Variants in RTN1 observed in about 807,000 individuals in gnomAD.
RTN1 encodes reticulon 1, also known as reticulon-1.
Under a neutral mutation model 65.5 loss-of-function variants are expected in RTN1, and 25 were observed. That is an observed-to-expected ratio of 0.38 (90% confidence interval 0.28 to 0.53). The LOEUF is 0.53. Among genes scored for constraint, RTN1 ranks in the 20% least tolerant of loss-of-function variants. The pLI, the probability that RTN1 is intolerant of heterozygous loss-of-function variation, is 0.79. For missense variants in RTN1, 983 were observed against 1,025.4 expected (o/e 0.96, Z 0.57); for synonymous variants, 471 against 447.6 (o/e 1.05, Z -0.66).
intron 3 of RTN1, among the ~76,000 whole-genome samples, chr14:59,672,479 A>T (rs1883526789): frequency 6.6e-6 from 1 of 152,182 alleles, no homozygotes; most frequent in East Asian, 1.9e-4. Flanking sequence ...CATAAAGGAC[A>T]CATCATATGG....
At chr14:59,743,381 T>C (rs1885152198) in intron 2 of RTN1, among the ~76,000 whole-genome samples, 1 of 152,172 alleles carries the variant, frequency 6.6e-6, no homozygotes, top group African/African-American at 2.4e-5. Context: ...CTGGCTGAAG[T>C]TCTTGTGGAC....
rs1051315251 is a variant in RTN1, at chr14:59,653,368, T to C, written c.1766-45876A>G. On this transcript the variant is annotated intron_variant, in intron 3 of 8. Coordinates refer to ENST00000267484, the MANE Select transcript of RTN1 (RefSeq NM_021136.3). ...TCCCCAGATAAACAAAGATAATTCA[T>C]TGCTAGCAGACTCACTTTCGAAAAA... 2.2e-5 allele frequency among the ~76,000 whole-genome samples: 3 copies of C among 138,392 alleles called. No individual in the cohort carries two copies. The Admixed American group carries it at 2.3e-4, about 11-fold the overall frequency. The allele number at this position is 138,392 out of a possible 152,430, so 90.8% of individuals were successfully genotyped here. A position where few individuals can be genotyped will look rare whatever the true frequency, so the allele number is the denominator to read the frequency against.
chr14:59,639,684 T>C (rs901780610), intron 3 of RTN1, among the ~76,000 whole-genome samples: 7 of 152,246 alleles, frequency 4.6e-5, no homozygotes, highest in African/African-American at 1.4e-4. Flanking sequence ...AGCTGTCCTT[T>C]ATCAGATTAA....
At chr14:59,646,520 G>C (rs1882900219) in intron 3 of RTN1, among the ~76,000 whole-genome samples, 1 of 152,080 alleles carries the variant, frequency 6.6e-6, no homozygotes, top group African/African-American at 2.4e-5. Flanking sequence ...AGACTTTCCA[G>C]GGTCAAAATG....
intron 3 of RTN1, among the ~76,000 whole-genome samples, chr14:59,725,331 G>T (rs1197271228): frequency 6.6e-6 from 1 of 152,212 alleles, no homozygotes; most frequent in Non-Finnish European, 1.5e-5. Context: ...AGGAACATTA[G>T]TTAGGGGATA....
Position 59,727,628 on chromosome 14 carries a change from G to A in RTN1, c.1056C>T (p.Ser352=), listed in dbSNP as rs200163788. 186 of 1,610,654 alleles carry A rather than the reference G, an allele frequency of 1.2e-4. 1 individual carries two copies. The Admixed American group carries it at 3.0e-3, about 26-fold the overall frequency. Reference sequence around the variant, plus strand: ...TGATGGCGGTGATCAGCTCATCCTCGGAGATGCTGCCTTTCCCCTGGGATT... The same window carrying A: ...TGATGGCGGTGATCAGCTCATCCTCAGAGATGCTGCCTTTCCCCTGGGATT... ...AAESQGKGSI[S]EDELITAIKE... Residue 352 remains serine, a synonymous_variant, in exon 3 of 9, where the codon TCC becomes TCT. Coordinates refer to ENST00000267484, the MANE Select transcript of RTN1 (RefSeq NM_021136.3). The surrounding 1 kb of genome is among the most constrained non-coding windows in gnomAD (Gnocchi z 4.2).
chr14:59,788,871 C>T (rs1389731687), intron 1 of RTN1, among the ~76,000 whole-genome samples: 3 of 152,036 alleles, frequency 2.0e-5, no homozygotes, highest in African/African-American at 7.2e-5. Context: ...AATAAGGATG[C>T]ATTGATTTCA....
At chr14:59,733,036 C>A (rs1018570571) in intron 2 of RTN1, among the ~76,000 whole-genome samples, 7 of 151,288 alleles carry the variant, frequency 4.6e-5, no homozygotes, top group African/African-American at 9.7e-5. Context: ...AGGGTCCCCC[C>A]AGTAGCACAA....
In RTN1 at chr14:59,829,149, G is replaced by C. The variant is rs899349179; in HGVS notation, c.241+41241C>G. ...AAAGGCAACTACACAGCAATACACC[G>C]TTCATTAATTAACATTTTAAAGTGC... is the stretch of plus-strand genomic sequence containing the variant. On this transcript the variant is annotated intron_variant, in intron 1 of 8. Coordinates refer to ENST00000267484, the MANE Select transcript of RTN1 (RefSeq NM_021136.3). The surrounding 1 kb of genome is among the most constrained non-coding windows in gnomAD (Gnocchi z 4.3). 1.3e-5 allele frequency among the ~76,000 whole-genome samples: 2 copies of C among 152,106 alleles called. No homozygotes were observed. The highest frequency in any genetic ancestry group is 4.8e-5 in the African/African-American group (2 of 41,398).
At chr14:59,711,077 G>A (rs977517203) in intron 3 of RTN1, among the ~76,000 whole-genome samples, 16 of 152,066 alleles carry the variant, frequency 1.1e-4, no homozygotes, top group Non-Finnish European at 4.4e-5. Flanking sequence ...ACATAATACT[G>A]CCTGTCTCTA....
At chr14:59,853,778 C>T (rs1594768067) in intron 1 of RTN1, among the ~76,000 whole-genome samples, 1 of 152,174 alleles carries the variant, frequency 6.6e-6, no homozygotes. Flanking sequence ...TGCAGTTCCA[C>T]CATGCATGGC....
chr14:59,788,774 T>C (rs1886296702), intron 1 of RTN1, among the ~76,000 whole-genome samples: 1 of 152,208 alleles, frequency 6.6e-6, no homozygotes, highest in African/African-American at 2.4e-5. Flanking sequence ...CATACCTTGA[T>C]AGGTTATCAT....
chr14:59,607,921 AGAGAGCCCCTG>A (rs894835580), intron 3 of RTN1, among the ~76,000 whole-genome samples: 18 of 150,834 alleles, frequency 1.2e-4, no homozygotes, highest in Admixed American at 2.0e-4. Context: ...AAAAAGAGAG[AGAGAGCCCCTG>A]GAGCTGACAT....
chr14:59,830,668 A>T (rs527324884), intron 1 of RTN1, among the ~76,000 whole-genome samples: 4 of 152,216 alleles, frequency 2.6e-5, no homozygotes, highest in Admixed American at 6.5e-5. Context: ...TTGCGCTTGA[A>T]TAACAGCTCT....
At position 59,607,364 on chromosome 14, in the gene RTN1, G is replaced by A; in HGVS notation, c.1894C>T (p.Leu632Phe). ...ATGCGGAAACTGATGGTGGCTGAGA[G>A]TGCGGCCAGGGCCAGGTAGGCCACG... ...SVVAYLALAA[L>F]SATISFRIYK... is the part of the protein sequence containing the mutation. Residue 632 changes from leucine (L) to phenylalanine (F), a missense_variant, in exon 4 of 9, where the codon CTC becomes TTC. This residue lies in a region of RTN1 where 165 missense variants were observed against 223.6 expected (regional missense o/e 0.74). Coordinates refer to ENST00000267484, the MANE Select transcript of RTN1 (RefSeq NM_021136.3). The A allele has an allele frequency of 6.2e-7, 1 of 1,613,856 alleles. No individual in the cohort carries two copies. Among genetic ancestry groups the A allele is most frequent in the Non-Finnish European group, 8.5e-7 (1 of 1,179,968 alleles).
intron 3 of RTN1, among the ~76,000 whole-genome samples, chr14:59,647,287 C>A (rs1490682332): frequency 3.9e-5 from 6 of 152,182 alleles, no homozygotes; most frequent in African/African-American, 1.4e-4. Flanking sequence ...CAGGGACACC[C>A]AGATTCACAA....
rs1884795800 is a variant in RTN1, at chr14:59,727,381, C to T, written c.1303G>A (p.Gly435Ser). 11 of 1,534,890 alleles carry T rather than the reference C, an allele frequency of 7.2e-6. No individual in the cohort carries two copies. Among genetic ancestry groups the T allele is most frequent in the Non-Finnish European group, 9.6e-6 (11 of 1,139,940 alleles). Residue 435 changes from glycine (G) to serine (S), a missense_variant, in exon 3 of 9, where the codon GGC (glycine) becomes AGC (serine). Around this residue, in one of 2 missense-constraint regions of RTN1, gnomAD observed 818 missense variants for 801.8 expected, o/e 1.02. Transcript: ENST00000267484. This position sits in a 1 kb window ranked among gnomAD's most constrained non-coding sequence, Gnocchi z 4.2. ...GAGGGCGGCGGGCCGCCCACGTGGCCAAAGCTCACATAGCCTGAGGGCAGC... is the reference window on the plus strand; with the variant it reads ...GAGGGCGGCGGGCCGCCCACGTGGCTAAAGCTCACATAGCCTGAGGGCAGC... ...DALPSGYVSF[G>S]HVGGPPPSPA...
At chr14:59,784,857 A>G (rs1886224594) in intron 1 of RTN1, among the ~76,000 whole-genome samples, 1 of 152,188 alleles carries the variant, frequency 6.6e-6, no homozygotes, top group African/African-American at 2.4e-5. Flanking sequence ...TATTATAGGG[A>G]AGACAGGATG....
intron 1 of RTN1, among the ~76,000 whole-genome samples, chr14:59,826,455 C>T (rs1887032654): frequency 6.6e-6 from 1 of 152,146 alleles, no homozygotes; most frequent in South Asian, 2.1e-4. Flanking sequence ...ATGTCACCTC[C>T]ATATTCAGAC....
Sources: allele counts gnomAD v4.1 joint callset (sites outside exome capture counted in the v4.1 genomes callset), GRCh38; gene constraint gnomAD v4.1.1; regional missense constraint gnomAD v4.1.1; non-coding constraint Gnocchi (gnomAD v3.1); transcripts MANE v1.5; gene names NCBI Gene and HGNC (gene_info 2026-07-23, HGNC 2026-07-21).